The following SCGB2B2 variants were observed in gnomAD, a reference collection of about 807,000 sequenced individuals.
The protein encoded by SCGB2B2 is secretoglobin-like protein.
A neutral mutation model predicts 7.6 loss-of-function variants in SCGB2B2; 11 were observed. The ratio of observed to expected loss-of-function variants is 1.45; its 90% confidence interval spans 0.91 to 2.40. SCGB2B2 has a LOEUF of 2.40. SCGB2B2 is among the 30% of genes most tolerant of loss of function. The pLI, the probability that SCGB2B2 is intolerant of heterozygous loss-of-function variation, is 0.00. For missense variants in SCGB2B2, 104 were observed against 115.4 expected (o/e 0.90, Z 0.45); for synonymous variants, 50 against 48.6 (o/e 1.03, Z -0.12).
chr19:34,608,434 C>T (rs2065837966), intron 1 of SCGB2B2, among the ~76,000 whole-genome samples: 1 of 150,654 alleles, frequency 6.6e-6, no homozygotes, highest in Non-Finnish European at 1.5e-5. Flanking sequence ...CATTAATCAA[C>T]CTTTGGCTAT....
intron 1 of SCGB2B2, among the ~76,000 whole-genome samples, chr19:34,656,251 TGC>T (rs2067280245): frequency 6.6e-6 from 1 of 151,408 alleles, no homozygotes; most frequent in South Asian, 2.1e-4. Context: ...AAAAACTGTA[TGC>T]ATATTTCATT....
At chr19:34,658,832 A>C (rs867100063) in intron 1 of SCGB2B2, among the ~76,000 whole-genome samples, 4 of 148,676 alleles carry the variant, frequency 2.7e-5, no homozygotes, top group African/African-American at 9.8e-5. Context: ...AAAAAAAAAA[A>C]AAAGAGAGAG....
intron 3 of SCGB2B2, 63 bp from the exon 4 acceptor site, chr19:34,593,662 G>T: frequency 7.4e-7 from 1 of 1,358,926 alleles, no homozygotes; most frequent in Non-Finnish European, 1.0e-6. Context: ...CAGACTCATC[G>T]TTATTGCCCG....
chr19:34,649,050 G>A (rs10426406), intron 1 of SCGB2B2, among the ~76,000 whole-genome samples: 14,805 of 152,158 alleles, frequency 0.097, 865 homozygotes, highest in Middle Eastern at 0.23. Flanking sequence ...TTACAGGCAT[G>A]TGCCACCACA....
chr19:34,650,441 T>C (rs1329854070), intron 1 of SCGB2B2, among the ~76,000 whole-genome samples: 1 of 151,070 alleles, frequency 6.6e-6, no homozygotes, highest in Non-Finnish European at 1.5e-5. Flanking sequence ...TTTTCCATGG[T>C]TAGATTTTTC....
chr19:34,586,826 T>C (rs1353635849), downstream of SCGB2B2, among the ~76,000 whole-genome samples: 1 of 152,234 alleles, frequency 6.6e-6, no homozygotes, highest in Non-Finnish European at 1.5e-5. Flanking sequence ...GAGCAGCCAC[T>C]GGTTCATTCT....
rs1314013142 is a variant in SCGB2B2, at chr19:34,591,702, C to A, written c.*1853G>T. On this transcript the variant is annotated 3_prime_UTR_variant, in exon 4 of 4. Coordinates refer to ENST00000601241, the MANE Select transcript of SCGB2B2 (RefSeq NM_001025591.4). ...TTCTCCAACACAACAAATCCTTTCT[C>A]ATCATGCCGCATTCCCTGCCCCAGA... Among the ~76,000 whole-genome samples the A allele has an allele frequency of 2.6e-5, 4 of 152,194 alleles. No homozygotes were observed.
intron 1 of SCGB2B2, among the ~76,000 whole-genome samples, chr19:34,660,277 G>A (rs1228912064): frequency 6.6e-6 from 1 of 152,130 alleles, no homozygotes; most frequent in Non-Finnish European, 1.5e-5. Context: ...AGCCAAAATA[G>A]ACAAATGGGA....
At chr19:34,599,011 T>C (rs1424597552) in intron 1 of SCGB2B2, among the ~76,000 whole-genome samples, 1 of 152,234 alleles carries the variant, frequency 6.6e-6, no homozygotes, top group Non-Finnish European at 1.5e-5. Context: ...GGCTGGCACC[T>C]GGAGAATGGC....
At position 34,676,053 on chromosome 19, in the gene SCGB2B2, T is replaced by C. The variant is rs746045866; in HGVS notation, c.-2455A>G. 6.6e-6 allele frequency: 1 copy of C among 152,218 alleles called. No homozygotes were observed. Among genetic ancestry groups the C allele is most frequent in the Non-Finnish European group, 1.5e-5 (1 of 68,066 alleles). 9.4% of individuals were successfully genotyped at this position (152,218 alleles called of 1,614,324 possible). A position where few individuals can be genotyped will look rare whatever the true frequency, so the allele number is the denominator to read the frequency against. Reference sequence around the variant, plus strand: ...GCGCGGTTGCCGCTGGTTGTTCGGGTGGCCCGTTTTTATTCCCTTATTTGG... The same window carrying C: ...GCGCGGTTGCCGCTGGTTGTTCGGGCGGCCCGTTTTTATTCCCTTATTTGG... On this transcript the variant is annotated 5_prime_UTR_variant, in exon 1 of 4. Transcript: ENST00000601241.
At chr19:34,663,689 A>G (rs1352693965) in intron 1 of SCGB2B2, among the ~76,000 whole-genome samples, 1 of 152,110 alleles carries the variant, frequency 6.6e-6, no homozygotes, top group African/African-American at 2.4e-5. Flanking sequence ...TACAGTTTAT[A>G]TGGTGTGTCC....
chr19:34,648,592 A>C lies in SCGB2B2; in HGVS notation c.-2032+27038T>G, dbSNP rs530321976. On this transcript the variant is annotated intron_variant, in intron 1 of 3. Coordinates refer to ENST00000601241, the MANE Select transcript of SCGB2B2 (RefSeq NM_001025591.4). The stretch of plus-strand genomic sequence containing the variant: ...CTTTAATCAAAACATATTTATTGCC[A>C]AGCTATGCTTTTTAAATTAATTTTG... 1.6e-3 allele frequency among the ~76,000 whole-genome samples: 241 copies of C among 152,058 alleles called. 2 individuals are homozygous for C. Among genetic ancestry groups the C allele is most frequent in the Non-Finnish European group, 2.7e-3 (184 of 67,968 alleles).
At chr19:34,594,405 C>T (rs8105342) in intron 2 of SCGB2B2, 46 bp from the exon 3 acceptor site, 87,522 of 1,603,878 alleles carry the variant, frequency 0.055, 4,697 homozygotes, top group African/African-American at 0.28. Context: ...GGTCAGAATT[C>T]AGCGAAACCT....
intron 1 of SCGB2B2, among the ~76,000 whole-genome samples, chr19:34,672,781 T>C (rs1167942359): frequency 6.6e-6 from 1 of 152,198 alleles, no homozygotes; most frequent in Non-Finnish European, 1.5e-5. Context: ...CCTGAAACTT[T>C]GTCTCCCTTC....
intron 1 of SCGB2B2, among the ~76,000 whole-genome samples, chr19:34,623,260 T>G (rs2066284912): frequency 6.6e-6 from 1 of 152,090 alleles, no homozygotes; most frequent in Admixed American, 6.5e-5. Context: ...GTGAGTGAAG[T>G]TGGGACTTTC....
chr19:34,672,182 T>G (rs1427465210), intron 1 of SCGB2B2, among the ~76,000 whole-genome samples: 1 of 152,074 alleles, frequency 6.6e-6, no homozygotes, highest in Non-Finnish European at 1.5e-5. Context: ...TAGTATCTAG[T>G]GATGTCATCT....
At chr19:34,651,873 A>G (rs896061450) in intron 1 of SCGB2B2, among the ~76,000 whole-genome samples, 9 of 151,416 alleles carry the variant, frequency 5.9e-5, no homozygotes, top group Non-Finnish European at 1.3e-4. Flanking sequence ...ACTTGACTTC[A>G]AAATAGACTA....
rs139270157 is a variant in SCGB2B2, at chr19:34,619,188, C to T, written c.-2031-22594G>A. On this transcript the variant is annotated intron_variant, in intron 1 of 3. Transcript: ENST00000601241. Reference sequence around the variant, plus strand: ...AATTACAGCTCTTTTACACCACACACGTAACACACATAATACACAGACAAA... The same window carrying T: ...AATTACAGCTCTTTTACACCACACATGTAACACACATAATACACAGACAAA... 4.5e-3 allele frequency among the ~76,000 whole-genome samples: 681 copies of T among 152,196 alleles called. 4 individuals are homozygous for T. The highest frequency in any genetic ancestry group is 0.016 in the African/African-American group (656 of 41,530).
At chr19:34,634,657 C>A (rs556067066) in intron 1 of SCGB2B2, among the ~76,000 whole-genome samples, 101 of 152,254 alleles carry the variant, frequency 6.6e-4, no homozygotes, top group Non-Finnish European at 2.5e-4. Flanking sequence ...CTTTCTGGCA[C>A]CACATAGGCT....
Sources: gnomAD v4.1 joint callset for allele counts (sites outside exome capture counted in the v4.1 genomes callset) on GRCh38, gnomAD v4.1.1 for gene constraint, MANE v1.5 for transcripts, NCBI Gene and HGNC (gene_info 2026-07-23, HGNC 2026-07-21) for gene names.